Variants in DOP1A observed in about 807,000 individuals in gnomAD.
The protein encoded by DOP1A is protein DOP1A.
Under a neutral mutation model 267.6 loss-of-function variants are expected in DOP1A, and 90 were observed. That is an observed-to-expected ratio of 0.34 (90% CI 0.28 to 0.40). The LOEUF is 0.40. Among genes scored for constraint, DOP1A ranks in the 10% least tolerant of loss-of-function variants. DOP1A has a pLI of 1.00. For synonymous variants in DOP1A, 932 were observed against 999.1 expected, an observed-to-expected ratio of 0.93 and a Z score of 1.27; for missense variants, 2,437 against 2,900.4, an observed-to-expected ratio of 0.84 and a Z score of 3.67.
chr6:83,138,523 C>T lies in DOP1A; in HGVS notation c.4481C>T (p.Thr1494Ile), dbSNP rs1211177844. Reference protein sequence around the residue: ...NMQMMSIEILTLLFTELAKVI... With the variant: ...NMQMMSIEILILLFTELAKVI... ...CAAATGATGAGCATAGAAATTCTGA[C>T]ACTACTCTTCACTGAGCTGGCAAAA... Residue 1494 changes from threonine (T) to isoleucine (I), a missense_variant, in exon 21 of 39, where the codon ACA becomes ATA. By Grantham distance (89) the Thr-to-Ile change is moderately conservative. This residue lies in a region of DOP1A where 878 missense variants were observed against 992.9 expected (regional missense o/e 0.88). Transcript: ENST00000349129. 8 of 1,613,656 alleles carry T rather than the reference C, an allele frequency of 5.0e-6. No homozygotes were observed. Among genetic ancestry groups the T allele is most frequent in the Non-Finnish European group, 6.8e-6 (8 of 1,179,946 alleles).
At position 83,124,544 on chromosome 6, in the gene DOP1A, A is replaced by AAG. The variant is rs533537158; in HGVS notation, c.1341-158_1341-157dup. 1.4e-3 allele frequency among the ~76,000 whole-genome samples: 211 copies of AAG among 152,246 alleles called. 3 individuals are homozygous for AAG. The highest frequency in any genetic ancestry group is 5.0e-3 in the African/African-American group (206 of 41,568). ...AATCTTGCTTTGAGAATTTTCCATG[A>AAG]AGAGGTACAGTGGCCTGGGGGAAAT... On this transcript the variant is annotated intron_variant, in intron 12 of 38. Transcript: ENST00000349129.
intron 15 of DOP1A, among the ~76,000 whole-genome samples, 188 bp from the exon 16 acceptor site, chr6:83,128,699 A>G (rs13193624): frequency 3.9e-5 from 6 of 152,194 alleles, no homozygotes; most frequent in Non-Finnish European, 8.8e-5. Context: ...AACCTTATGT[A>G]TGCTGTGTGT....
chr6:83,130,711 T>G (rs1583042283), intron 17 of DOP1A, among the ~76,000 whole-genome samples: 1 of 152,134 alleles, frequency 6.6e-6, no homozygotes, highest in East Asian at 1.9e-4. Flanking sequence ...GCGGTAGAAC[T>G]TACTTTCAGA....
chr6:83,104,930 A>G (rs191427330), intron 4 of DOP1A, among the ~76,000 whole-genome samples: 23 of 151,878 alleles, frequency 1.5e-4, no homozygotes, highest in Admixed American at 1.5e-3. Flanking sequence ...TCTACTGTGT[A>G]TGTGTTTACT....
At chr6:83,132,365 C>CCACACACA (rs3830927) in intron 18 of DOP1A, 37 bp downstream of exon 18, 6 of 1,405,860 alleles carry the variant, frequency 4.3e-6, no homozygotes, top group African/African-American at 1.6e-5. Flanking sequence ...GCCCCCTCCG[C>CCACACACA]CACACACACA....
intron 1 of DOP1A, among the ~76,000 whole-genome samples, chr6:83,092,677 ATAAAGT>A (rs968288727): frequency 2.0e-5 from 3 of 150,942 alleles, no homozygotes; most frequent in African/African-American, 7.3e-5. Flanking sequence ...TATACCAGTG[ATAAAGT>A]TTAATTTACA....
intron 38 of DOP1A, chr6:83,164,764 C>T: frequency 6.6e-7 from 1 of 1,515,694 alleles, no homozygotes. Flanking sequence ...GCAAAAGTTG[C>T]CAAATATTGA....
chr6:83,143,221 C>G (rs868766570), intron 24 of DOP1A, among the ~76,000 whole-genome samples: 4 of 152,100 alleles, frequency 2.6e-5, no homozygotes, highest in South Asian at 4.1e-4. Flanking sequence ...AATTCAAGAC[C>G]TCATGAGACC....
Position 83,155,258 on chromosome 6 carries a change from T to TTA in DOP1A, c.6452-692_6452-691insAT, listed in dbSNP as rs199806102. The stretch of plus-strand genomic sequence containing the variant: ...ACTAGGATTGTTTGAGGCCAGGAGT[T>TTA]TGAGACTAACCTGGACAAAATAGCG... On this transcript the variant is annotated intron_variant, in intron 33 of 38. Coordinates refer to ENST00000349129, the MANE Select transcript of DOP1A (RefSeq NM_015018.4). 7.7e-3 allele frequency among the ~76,000 whole-genome samples: 1,163 copies of TTA among 151,172 alleles called. 12 individuals are homozygous for TTA. The highest frequency in any genetic ancestry group is 0.027 in the African/African-American group (1,094 of 41,112).
intron 33 of DOP1A, among the ~76,000 whole-genome samples, chr6:83,154,905 T>C (rs1782460847): frequency 6.6e-6 from 1 of 152,226 alleles, no homozygotes; most frequent in South Asian, 2.1e-4. Flanking sequence ...GTTTTCTCAT[T>C]TGGAAAAAGG....
intron 1 of DOP1A, among the ~76,000 whole-genome samples, chr6:83,093,014 G>A (rs1431645631): frequency 1.3e-5 from 2 of 152,192 alleles, no homozygotes; most frequent in Non-Finnish European, 2.9e-5. Flanking sequence ...TGTGGATGGG[G>A]TGGGGAAGAA....
chr6:83,108,041 T>C (rs1287373315), intron 4 of DOP1A, among the ~76,000 whole-genome samples: 1 of 152,216 alleles, frequency 6.6e-6, no homozygotes, highest in Non-Finnish European at 1.5e-5. Context: ...TGTTAAAACA[T>C]GAAGAGCAAG....
intron 7 of DOP1A, among the ~76,000 whole-genome samples, chr6:83,118,266 A>G (rs190893862): frequency 9.8e-5 from 15 of 152,298 alleles, no homozygotes; most frequent in African/African-American, 3.6e-4. Context: ...TCTTTTAGCT[A>G]AAACCCAGAT....
At position 83,167,962 on chromosome 6, in the gene DOP1A, C is replaced by T; in HGVS notation, c.7193C>T (p.Pro2398Leu). 1 of 1,614,136 alleles carries T rather than the reference C, an allele frequency of 6.2e-7. No individual in the cohort carries two copies. The highest frequency in any genetic ancestry group is 8.5e-7 in the Non-Finnish European group (1 of 1,180,026). Residue 2398 changes from proline to leucine, a missense_variant, in exon 39 of 39, where the codon CCG becomes CTG. By Grantham distance (98) the Pro-to-Leu change is moderately conservative (BLOSUM62 -3). Transcript: ENST00000349129. Reference sequence around the variant, plus strand: ...GTGCGCAGTATGGAGCAGCTCCTGCCGTTCTTCAATGTGCTCAGTCAAGTC... The same window carrying T: ...GTGCGCAGTATGGAGCAGCTCCTGCTGTTCTTCAATGTGCTCAGTCAAGTC... ...CTVRSMEQLL[P>L]FFNVLSQVFN...
At chr6:83,144,651 T>C (rs1313037174) in intron 24 of DOP1A, among the ~76,000 whole-genome samples, 1 of 152,048 alleles carries the variant, frequency 6.6e-6, no homozygotes, top group Non-Finnish European at 1.5e-5. Context: ...TAGAAAAGTA[T>C]AAGAGAGCTA....
intron 38 of DOP1A, chr6:83,164,834 T>G (rs1229077521): frequency 1.3e-6 from 1 of 792,202 alleles, no homozygotes; most frequent in Non-Finnish European, 2.0e-6. Context: ...AAGGAAGTCT[T>G]TTTTCAAGTG....
downstream of DOP1A, chr6:83,170,237 C>G: frequency 7.1e-7 from 1 of 1,418,110 alleles, no homozygotes; most frequent in Non-Finnish European, 9.9e-7. Flanking sequence ...TTCTAAAAAC[C>G]ATTAAAATAG....
chr6:83,151,219 A>G (rs1781605362), intron 27 of DOP1A, among the ~76,000 whole-genome samples: 1 of 152,190 alleles, frequency 6.6e-6, no homozygotes, highest in African/African-American at 2.4e-5. Context: ...GTGGTTATTC[A>G]CAGCATGATC....
chr6:83,142,137 G>T lies in DOP1A; in HGVS notation c.5541+91G>T. 4 of 1,445,118 alleles carry T rather than the reference G, an allele frequency of 2.8e-6. No homozygotes were observed. The South Asian group carries it at 5.2e-5, about 19-fold the overall frequency. 89.5% of individuals were successfully genotyped at this position (1,445,118 alleles called of 1,614,324 possible). A position where few individuals can be genotyped will look rare whatever the true frequency, so the allele number is the denominator to read the frequency against. On this transcript the variant is annotated intron_variant, in intron 24 of 38. Transcript: ENST00000349129. Reference sequence around the variant, plus strand: ...CTCCATATATTGCAGTGGGGCCGGGGTAGATTCGAGTGTAAAGCAAAAGTC... The same window carrying T: ...CTCCATATATTGCAGTGGGGCCGGGTTAGATTCGAGTGTAAAGCAAAAGTC...
Sources: allele counts gnomAD v4.1 joint callset (sites outside exome capture counted in the v4.1 genomes callset), GRCh38; gene constraint gnomAD v4.1.1; regional missense constraint gnomAD v4.1.1; transcripts MANE v1.5; gene names NCBI Gene and HGNC (gene_info 2026-07-23, HGNC 2026-07-21).